The following FAM193A variants were observed in gnomAD, a reference collection of about 807,000 sequenced individuals.
The protein encoded by FAM193A is family with sequence similarity 193 member A.
In FAM193A, 22 loss-of-function variants were observed where a neutral mutation model predicts 126.5. That is an observed-to-expected ratio of 0.17 (90% CI 0.12 to 0.25). The LOEUF (loss-of-function observed/expected upper bound fraction) is 0.25. Ranked by LOEUF, FAM193A falls within the 10% of genes least tolerant of loss-of-function variation. The pLI is 1.00. For missense variants in FAM193A, 1,675 were observed against 1,672.8 expected (o/e 1.00, Z -0.02); for synonymous variants, 761 against 646.8 (o/e 1.18, Z -2.68).
At chr4:2,685,356 A>G (rs1345210309) in intron 13 of FAM193A, among the ~76,000 whole-genome samples, 2 of 152,244 alleles carry the variant, frequency 1.3e-5, no homozygotes, top group Non-Finnish European at 2.9e-5. Flanking sequence ...CAGTTAAAAT[A>G]TGATTCAGTT....
intron 1 of FAM193A, among the ~76,000 whole-genome samples, chr4:2,567,105 C>CT (rs1560448081): frequency 2.0e-5 from 3 of 146,622 alleles, no homozygotes; most frequent in African/African-American, 7.7e-5. Context: ...ATGCCCGGCT[C>CT]ATTTTTTTTT....
intron 19 of FAM193A, among the ~76,000 whole-genome samples, chr4:2,708,608 G>A (rs1422774496): frequency 2.0e-5 from 3 of 151,572 alleles, no homozygotes; most frequent in African/African-American, 2.4e-5. Context: ...GATTACAGGC[G>A]CACACCACCA....
At chr4:2,624,870 G>A (rs1456116950) in intron 2 of FAM193A, among the ~76,000 whole-genome samples, 1 of 152,122 alleles carries the variant, frequency 6.6e-6, no homozygotes, top group Non-Finnish European at 1.5e-5. Context: ...ATGTATGTGT[G>A]TGTCTGTGTG....
intron 13 of FAM193A, among the ~76,000 whole-genome samples, chr4:2,689,009 G>T (rs550304167): frequency 9.0e-4 from 137 of 152,354 alleles, no homozygotes; most frequent in Non-Finnish European, 1.1e-3. Context: ...CTTTGAGAAC[G>T]CCCTGGTCTT....
chr4:2,658,654 G>A (rs914602046), intron 8 of FAM193A, among the ~76,000 whole-genome samples: 7 of 152,146 alleles, frequency 4.6e-5, no homozygotes, highest in Non-Finnish European at 8.8e-5. Flanking sequence ...TTGCATGCCC[G>A]TGGTCTCCTC....
At chr4:2,676,419 T>A (rs1035069130) in intron 13 of FAM193A, among the ~76,000 whole-genome samples, 1 of 152,262 alleles carries the variant, frequency 6.6e-6, no homozygotes, top group Admixed American at 6.5e-5. Flanking sequence ...TAGTGTTTAG[T>A]GATGTTGGGC....
At chr4:2,616,156 A>C (rs983634666) in intron 2 of FAM193A, among the ~76,000 whole-genome samples, 1 of 152,184 alleles carries the variant, frequency 6.6e-6, no homozygotes, top group Non-Finnish European at 1.5e-5. Flanking sequence ...TACTTTAGGT[A>C]TTTTGAGCTC....
Position 2,699,911 on chromosome 4 carries a change from C to G in FAM193A, c.3739C>G (p.Gln1247Glu). Residue 1247 changes from glutamine (Q) to glutamate (E), a missense_variant, in exon 19 of 21, where the codon CAG becomes GAG. Gln to Glu is a conservative substitution (Grantham distance 29, BLOSUM62 2). Transcript: ENST00000637812. Reference sequence around the variant, plus strand: ...GTTGGACATGCTCACTAGAAATTTCCAGGCAGCAACAGAGTCTGTTCCTAA... The same window carrying G: ...GTTGGACATGCTCACTAGAAATTTCGAGGCAGCAACAGAGTCTGTTCCTAA... Reference protein sequence around the residue: ...PKLDMLTRNFQAATESVPNSG... With the variant: ...PKLDMLTRNFEAATESVPNSG... The G allele has an allele frequency of 6.2e-7, 1 of 1,614,046 alleles. No individual in the cohort carries two copies. The highest frequency in any genetic ancestry group is 2.2e-5 in the East Asian group (1 of 44,868).
At chr4:2,667,416 A>G (rs1713246405) in intron 12 of FAM193A, among the ~76,000 whole-genome samples, 1 of 152,216 alleles carries the variant, frequency 6.6e-6, no homozygotes, top group South Asian at 2.1e-4. Flanking sequence ...TGAGAGAGGC[A>G]TATTGAAGCC....
At chr4:2,706,615 A>G (rs780375602) in intron 19 of FAM193A, among the ~76,000 whole-genome samples, 36 of 151,586 alleles carry the variant, frequency 2.4e-4, no homozygotes, top group Non-Finnish European at 4.0e-4. Flanking sequence ...GTAAATTTCA[A>G]TATGCACTTG....
rs1408711223 is a variant in FAM193A at position 2,693,722 on chromosome 4, C to T, written c.2940C>T (p.Ala980=). 1 of 1,614,110 alleles carries T rather than the reference C, an allele frequency of 6.2e-7. No individual in the cohort carries two copies. The highest frequency in any genetic ancestry group is 8.5e-7 in the Non-Finnish European group (1 of 1,179,906). ...AALSPAALSP[A]STPHLANLAA... Reference sequence around the variant, plus strand: ...TGTCACCTGCTGCGCTCTCACCTGCCTCCACACCTCACCTTGCAAATCTTG... The same window carrying T: ...TGTCACCTGCTGCGCTCTCACCTGCTTCCACACCTCACCTTGCAAATCTTG... The change falls in exon 16 of 21, where the codon GCC becomes GCT. Residue 980 remains alanine (A), a synonymous_variant. Coordinates refer to ENST00000637812, the MANE Select transcript of FAM193A (RefSeq NM_001366318.2).
At chr4:2,642,173 G>A (rs34681607) in intron 6 of FAM193A, among the ~76,000 whole-genome samples, 9,890 of 150,540 alleles carry the variant, frequency 0.066, 597 homozygotes, top group African/African-American at 0.15. Flanking sequence ...GCATGGTGGC[G>A]GGCACCTGAA....
At chr4:2,723,889 C>T (rs1316200791) in intron 20 of FAM193A, among the ~76,000 whole-genome samples, 1 of 152,154 alleles carries the variant, frequency 6.6e-6, no homozygotes, top group East Asian at 1.9e-4. Flanking sequence ...GCAGCCTTGA[C>T]CACCAGGCCC....
intron 6 of FAM193A, 82 bp from the exon 7 acceptor site, chr4:2,646,603 G>GT: frequency 7.1e-7 from 1 of 1,403,166 alleles, no homozygotes; most frequent in Middle Eastern, 1.8e-4. Flanking sequence ...AAGCAGGATA[G>GT]TATCAGCAGG....
chr4:2,552,012 T>TA (rs1737950905), intron 1 of FAM193A, among the ~76,000 whole-genome samples: 1 of 145,466 alleles, frequency 6.9e-6, no homozygotes, highest in South Asian at 2.2e-4. Flanking sequence ...GGGTAAATTT[T>TA]TTTTTTTTTT....
chr4:2,639,674 A>G (rs1411926386), intron 5 of FAM193A, 61 bp from the exon 6 acceptor site: 2 of 1,451,778 alleles, frequency 1.4e-6, no homozygotes, highest in Non-Finnish European at 1.9e-6. Context: ...CCCTCTGGGA[A>G]TTTTCTAGTC....
At chr4:2,602,378 G>C (rs1333318123) in intron 2 of FAM193A, among the ~76,000 whole-genome samples, 1 of 139,750 alleles carries the variant, frequency 7.2e-6, no homozygotes, top group Admixed American at 7.3e-5. Flanking sequence ...TTTTGAGACA[G>C]AGTTTCGCTG....
Position 2,696,559 on chromosome 4 carries a change from G to A in FAM193A, c.3473G>A (p.Arg1158His), listed in dbSNP as rs1257462018. The change falls in exon 18 of 21, where the codon CGT becomes CAT. Residue 1158 changes from arginine to histidine, a missense_variant. By Grantham distance (29) the Arg-to-His change is conservative. Around this residue, in one of 4 missense-constraint regions of FAM193A, gnomAD observed 415 missense variants for 396.7 expected, o/e 1.05. Coordinates refer to ENST00000637812, the MANE Select transcript of FAM193A (RefSeq NM_001366318.2). ...GAAACCAAACCAGTGAGCAGCACGC[G>A]TGCAGCGAAGCGAGCAAGGCATAAG... ...SSETKPVSST[R>H]AAKRARHKQR... 1.2e-6 allele frequency: 2 copies of A among 1,614,216 alleles called. No homozygotes were observed. The highest frequency in any genetic ancestry group is 8.5e-7 in the Non-Finnish European group (1 of 1,180,026).
chr4:2,631,053 G>A lies in FAM193A; in HGVS notation c.922G>A (p.Ala308Thr). 1 of 1,613,496 alleles carries A rather than the reference G, an allele frequency of 6.2e-7. No individual in the cohort carries two copies. Among genetic ancestry groups the A allele is most frequent in the Non-Finnish European group, 8.5e-7 (1 of 1,180,006 alleles). Reference sequence around the variant, plus strand: ...GCTGTCGGCTGCGGCCAAGGTGAAGGCACCATCTGGCCTGCAGGGCCCGCC... The same window carrying A: ...GCTGTCGGCTGCGGCCAAGGTGAAGACACCATCTGGCCTGCAGGGCCCGCC... ...RQLSAAAKVK[A>T]PSGLQGPPQA... The change falls in exon 5 of 21, where the codon GCA (alanine) becomes ACA (threonine). Residue 308 changes from alanine (A) to threonine (T), a missense_variant. Ala to Thr is a moderately conservative substitution (Grantham distance 58). Coordinates refer to ENST00000637812, the MANE Select transcript of FAM193A (RefSeq NM_001366318.2).
Sources: allele counts gnomAD v4.1 joint callset (sites outside exome capture counted in the v4.1 genomes callset), GRCh38; gene constraint gnomAD v4.1.1; regional missense constraint gnomAD v4.1.1; transcripts MANE v1.5; gene names NCBI Gene and HGNC (gene_info 2026-07-23, HGNC 2026-07-21).